The following GARS1 variants were observed in gnomAD, a reference collection of about 807,000 sequenced individuals.
GARS1 encodes the protein glycine--tRNA ligase.
A neutral mutation model predicts 86.4 loss-of-function variants in GARS1; 46 were observed. The observed-to-expected ratio is 0.53, with a 90% CI of 0.42 to 0.68. The LOEUF (loss-of-function observed/expected upper bound fraction) is 0.68, where lower values mean the gene tolerates loss of function less well. Ranked by LOEUF, GARS1 falls within the 30% of genes least tolerant of loss-of-function variation. The probability of loss-of-function intolerance (pLI) is 0.00; values close to 1 mark genes in which losing one functional copy is unlikely to be tolerated. For missense variants in GARS1, 797 were observed against 915.6 expected (o/e 0.87, Z 1.67); for synonymous variants, 342 against 329.8 (o/e 1.04, Z -0.40).
chr7:30,612,311 G>A, intron 8 of GARS1, 66 bp downstream of exon 8: 1 of 1,475,514 alleles, frequency 6.8e-7, no homozygotes, highest in Non-Finnish European at 9.5e-7. Flanking sequence ...ATGAAAGCTT[G>A]CTGTTTTGAA....
In GARS1 at chr7:30,616,073, G is replaced by T; in HGVS notation, c.1194+15G>T. 13 of 1,614,012 alleles carry T rather than the reference G, an allele frequency of 8.1e-6. No homozygotes were observed. Among genetic ancestry groups the T allele is most frequent in the Non-Finnish European group, 8.5e-6 (10 of 1,179,948 alleles). On this transcript the variant is annotated intron_variant, in intron 9 of 16. Transcript: ENST00000389266. ...CTGTTGAACAGGTAGGATTCTGGAG[G>T]TAACTTAACTTAGATTGTGCCTGTT... is the stretch of plus-strand genomic sequence containing the variant.
At chr7:30,606,270 G>C (rs1368806233) in intron 6 of GARS1, among the ~76,000 whole-genome samples, 1 of 151,286 alleles carries the variant, frequency 6.6e-6, no homozygotes, top group Non-Finnish European at 1.5e-5. Context: ...AACTGATGAG[G>C]GGATTTCAAA....
chr7:30,607,527 T>C (rs375860502), intron 6 of GARS1, among the ~76,000 whole-genome samples: 1 of 114,154 alleles, frequency 8.8e-6, no homozygotes, highest in East Asian at 2.9e-4. Flanking sequence ...GTGGGGAACA[T>C]CATACACCTG....
At chr7:30,606,636 A>C (rs1036419615) in intron 6 of GARS1, among the ~76,000 whole-genome samples, 2 of 152,052 alleles carry the variant, frequency 1.3e-5, no homozygotes, top group Non-Finnish European at 2.9e-5. Flanking sequence ...AGTCCTTTTG[A>C]CACAGCCCTT....
Position 30,624,609 on chromosome 7 carries a change from C to G in GARS1, c.1614-1625C>G, listed in dbSNP as rs76549349. Reference sequence around the variant, plus strand: ...GATAGAATGAACTCTAGAGCAATCACCTGGAAAAAAAACACACACAAAAAA... The same window carrying G: ...GATAGAATGAACTCTAGAGCAATCAGCTGGAAAAAAAACACACACAAAAAA... On this transcript the variant is annotated intron_variant, in intron 12 of 16. Transcript: ENST00000389266. Among the ~76,000 whole-genome samples, 1,054 of 151,608 alleles carry G rather than the reference C, an allele frequency of 7.0e-3. 8 individuals are homozygous for G. Among genetic ancestry groups the G allele is most frequent in the Middle Eastern group, 0.014 (4 of 294 alleles).
rs1248813862 is a variant in GARS1, at chr7:30,595,750, G to A, written c.222+607G>A. On this transcript the variant is annotated intron_variant, in intron 1 of 16. Transcript: ENST00000389266. ...TAGAATTGAAATGTGGATGTGGGGA[G>A]GTGTCGAACTTTTCTATTAATGCTG... The A allele has an allele frequency of 1.5e-5, 7 of 471,064 alleles. No homozygotes were observed. In the East Asian group the frequency reaches 4.9e-4, roughly 33 times the overall value. 29.2% of individuals were successfully genotyped at this position (471,064 alleles called of 1,614,324 possible). A position where few individuals can be genotyped will look rare whatever the true frequency, so the allele number is the denominator to read the frequency against.
chr7:30,632,009 T>C lies in GARS1; in HGVS notation c.1904-238T>C. On this transcript the variant is annotated intron_variant, in intron 15 of 16. Coordinates refer to ENST00000389266, the MANE Select transcript of GARS1 (RefSeq NM_002047.4). The surrounding 1 kb of genome is among the most constrained non-coding windows in gnomAD (Gnocchi z 4.1). Reference sequence around the variant, plus strand: ...TCAGGACTCACCTTCTGGCCTTGGCTCTTGGTCCCATATTTGTTCCCCCTA... The same window carrying C: ...TCAGGACTCACCTTCTGGCCTTGGCCCTTGGTCCCATATTTGTTCCCCCTA... 5 of 518,304 alleles carry C rather than the reference T, an allele frequency of 9.6e-6. No individual in the cohort carries two copies. The South Asian group carries it at 1.0e-4, about 11-fold the overall frequency. The allele number at this position is 518,304 out of a possible 1,614,324, so 32.1% of individuals were successfully genotyped here.
intron 2 of GARS1, among the ~76,000 whole-genome samples, chr7:30,599,180 C>T (rs143602306): frequency 6.6e-5 from 10 of 152,258 alleles, no homozygotes; most frequent in African/African-American, 1.4e-4. Context: ...CTCTTCTTTA[C>T]GACTTCTCTT....
intron 6 of GARS1, 139 bp downstream of exon 6, chr7:30,603,711 C>T (rs1223142214): frequency 1.5e-5 from 10 of 686,526 alleles, no homozygotes; most frequent in East Asian, 8.1e-5. Context: ...TCCTGTATAG[C>T]GTCTCTTTTT....
At chr7:30,626,199 T>A (rs1783123342) in intron 12 of GARS1, 35 bp from the exon 13 acceptor site, 2 of 1,390,050 alleles carry the variant, frequency 1.4e-6, no homozygotes, top group African/African-American at 2.8e-5. Context: ...GGTGCCTGTT[T>A]GAACTAATAC....
chr7:30,627,703 G>T (rs558874375), intron 13 of GARS1, among the ~76,000 whole-genome samples: 1 of 152,192 alleles, frequency 6.6e-6, no homozygotes, highest in Admixed American at 6.5e-5. Context: ...CCCTAAGGGC[G>T]TCCTGACCCC....
At chr7:30,625,562 A>T (rs980092686) in intron 12 of GARS1, among the ~76,000 whole-genome samples, 2 of 152,194 alleles carry the variant, frequency 1.3e-5, no homozygotes, top group African/African-American at 4.8e-5. Flanking sequence ...AATGTGAGGA[A>T]ATACCTCCTA....
chr7:30,614,737 G>A (rs1350280187), intron 8 of GARS1, among the ~76,000 whole-genome samples: 2 of 151,904 alleles, frequency 1.3e-5, no homozygotes, highest in Non-Finnish European at 2.9e-5. Flanking sequence ...TTAGCCGGGC[G>A]TGGTGGCGGG....
chr7:30,600,281 T>C (rs1791346293), intron 3 of GARS1, among the ~76,000 whole-genome samples: 1 of 152,224 alleles, frequency 6.6e-6, no homozygotes, highest in Non-Finnish European at 1.5e-5. Context: ...AGGGAATTGT[T>C]GGAGGCCCAT....
In GARS1 at chr7:30,609,746, T is replaced by C. The variant is rs757469091; in HGVS notation, c.881+16T>C. 2 of 1,612,160 alleles carry C rather than the reference T, an allele frequency of 1.2e-6. No individual in the cohort carries two copies. Among genetic ancestry groups the C allele is most frequent in the Admixed American group, 3.3e-5 (2 of 59,994 alleles). On this transcript the variant is annotated intron_variant, in intron 7 of 16. Coordinates refer to ENST00000389266, the MANE Select transcript of GARS1 (RefSeq NM_002047.4). ...ACATGCCTGGGTATGTATCACTTAT[T>C]GTTTACCTGTTTATGTAATGAAGTT... is the stretch of plus-strand genomic sequence containing the variant.
In GARS1 at chr7:30,596,233, C is replaced by T. The variant is rs1008949408; in HGVS notation, c.222+1090C>T. On this transcript the variant is annotated intron_variant, in intron 1 of 16. Coordinates refer to ENST00000389266, the MANE Select transcript of GARS1 (RefSeq NM_002047.4). ...TGGGGCATAGCTGCCGCAAATTCAGCCACTTTGCCATCTGTCCTCTTCGCT... is the reference window on the plus strand; with the variant it reads ...TGGGGCATAGCTGCCGCAAATTCAGTCACTTTGCCATCTGTCCTCTTCGCT... 3.3e-5 allele frequency among the ~76,000 whole-genome samples: 5 copies of T among 152,330 alleles called. 1 individual carries two copies. The highest frequency in any genetic ancestry group is 4.1e-4 in the South Asian group (2 of 4,834).
rs759542066 is a variant in GARS1 at position 30,628,681 on chromosome 7, T to A, written c.1809+12T>A. 6.5e-7 allele frequency: 1 copy of A among 1,548,158 alleles called. No individual in the cohort carries two copies. Among genetic ancestry groups the A allele is most frequent in the Admixed American group, 1.7e-5 (1 of 59,870 alleles). ...ATGAACAGAGAACAGTAAGTTGTTG[T>A]GTACAGTGTGCTGTTATAGTGTCAG... On this transcript the variant is annotated intron_variant, in intron 14 of 16. Transcript: ENST00000389266.
rs1476015193 is a variant in GARS1 at position 30,628,395 on chromosome 7, G to C, written c.1700-165G>C. 5.6e-6 allele frequency: 3 copies of C among 532,538 alleles called. No individual in the cohort carries two copies. In the African/African-American group the frequency reaches 5.7e-5, roughly 10 times the overall value. The allele number at this position is 532,538 out of a possible 1,614,324, so 33.0% of individuals were successfully genotyped here. ...AGACGGGGTTTCACCATGTTGGTCA[G>C]GCTGGTCTCGAACTCCTGACCTCAG... On this transcript the variant is annotated intron_variant, in intron 13 of 16. Transcript: ENST00000389266.
intron 14 of GARS1, among the ~76,000 whole-genome samples, chr7:30,630,274 T>G (rs777781576): frequency 6.6e-6 from 1 of 152,214 alleles, no homozygotes; most frequent in Non-Finnish European, 1.5e-5. Context: ...AGCAGCCATA[T>G]TGGTGGAATA....
Sources: gnomAD v4.1 joint callset for allele counts (sites outside exome capture counted in the v4.1 genomes callset) on GRCh38, gnomAD v4.1.1 for gene constraint, Gnocchi (gnomAD v3.1) non-coding constraint, MANE v1.5 for transcripts, NCBI Gene and HGNC (gene_info 2026-07-23, HGNC 2026-07-21) for gene names.